Variants in MACROD2 observed in about 807,000 individuals in gnomAD.
MACROD2 encodes the protein mono-ADP ribosylhydrolase 2.
A neutral mutation model predicts 70.4 loss-of-function variants in MACROD2; 36 were observed. That is an observed-to-expected ratio of 0.51 (90% confidence interval 0.39 to 0.68). MACROD2 has a LOEUF of 0.68. Ranked by LOEUF, MACROD2 falls within the 30% of genes least tolerant of loss-of-function variation. MACROD2 has a pLI of 0.00. For synonymous variants in MACROD2, 172 were observed against 178.8 expected (o/e 0.96, Z 0.30); for missense variants, 496 against 538.4 (o/e 0.92, Z 0.78).
chr20:14,373,908 G>T (rs1265557924), intron 3 of MACROD2, among the ~76,000 whole-genome samples: 1 of 152,136 alleles, frequency 6.6e-6, no homozygotes, highest in East Asian at 1.9e-4. Context: ...GCATGTGTAT[G>T]TAGGCAGTTT....
intron 4 of MACROD2, among the ~76,000 whole-genome samples, chr20:14,669,268 G>A (rs1408322054): frequency 5.3e-5 from 8 of 152,146 alleles, no homozygotes; most frequent in Admixed American, 2.6e-4. Flanking sequence ...GGAAAGCAGA[G>A]TGAATGGCAA....
intron 5 of MACROD2, among the ~76,000 whole-genome samples, chr20:14,695,389 C>T (rs1033759212): frequency 2.0e-5 from 3 of 152,166 alleles, no homozygotes; most frequent in Admixed American, 6.5e-5. Context: ...AGCACTCACT[C>T]GAATCCGGGA....
intron 3 of MACROD2, among the ~76,000 whole-genome samples, chr20:14,097,858 A>T (rs1160240905): frequency 6.6e-6 from 1 of 152,198 alleles, no homozygotes; most frequent in Non-Finnish European, 1.5e-5. Context: ...ATATTTTAGA[A>T]TACTTTTGTG....
At chr20:14,382,281 C>T (rs573330643) in intron 3 of MACROD2, among the ~76,000 whole-genome samples, 2 of 151,790 alleles carry the variant, frequency 1.3e-5, no homozygotes, top group Non-Finnish European at 2.9e-5. Context: ...AGGATGGTCT[C>T]GAGCTCCTGA....
chr20:14,821,035 T>C (rs1320241929), intron 5 of MACROD2, among the ~76,000 whole-genome samples: 1 of 152,102 alleles, frequency 6.6e-6, no homozygotes, highest in Non-Finnish European at 1.5e-5. Context: ...CAGTTCAGCT[T>C]ACTACCTGCT....
intron 3 of MACROD2, among the ~76,000 whole-genome samples, chr20:14,088,986 A>G (rs928124852): frequency 6.6e-6 from 1 of 152,174 alleles, no homozygotes; most frequent in African/African-American, 2.4e-5. Context: ...TAACTACCTC[A>G]TCACTATTTT....
chr20:15,249,741 G>A (rs2077138302), intron 6 of MACROD2, among the ~76,000 whole-genome samples: 1 of 152,202 alleles, frequency 6.6e-6, no homozygotes, highest in African/African-American at 2.4e-5. Flanking sequence ...TTGAGTTCAT[G>A]ACTATTGCTG....
intron 5 of MACROD2, among the ~76,000 whole-genome samples, chr20:14,982,615 AG>A (rs2122843210): frequency 6.6e-6 from 1 of 152,334 alleles, no homozygotes; most frequent in African/African-American, 2.4e-5. Flanking sequence ...ATGGCCTCAG[AG>A]GGTGCAAACC....
intron 15 of MACROD2, among the ~76,000 whole-genome samples, chr20:15,995,358 A>AT (rs869089170): frequency 1.4e-5 from 2 of 144,116 alleles, no homozygotes; most frequent in Non-Finnish European, 3.0e-5. Context: ...TATTATTATT[A>AT]TTTTTTTTGG....
intron 4 of MACROD2, among the ~76,000 whole-genome samples, chr20:14,564,425 A>G (rs1979640804): frequency 6.6e-6 from 1 of 152,054 alleles, no homozygotes; most frequent in Admixed American, 6.6e-5. Flanking sequence ...ATAGAATGGG[A>G]GAAAATATTT....
chr20:14,263,057 T>C (rs1053240769), intron 3 of MACROD2, among the ~76,000 whole-genome samples: 4 of 151,982 alleles, frequency 2.6e-5, no homozygotes, highest in Non-Finnish European at 5.9e-5. Context: ...AGAAAGTGAA[T>C]TATCAGTGAA....
chr20:14,326,906 G>C lies in MACROD2; in HGVS notation c.272-166573G>C, dbSNP rs746035260. ...TTTCCATCTAGAACCAGGCGTTTTAGACTAGTGAGACCTTGAAGAGATGGT... is the reference window on the plus strand; with the variant it reads ...TTTCCATCTAGAACCAGGCGTTTTACACTAGTGAGACCTTGAAGAGATGGT... On this transcript the variant is annotated intron_variant, in intron 3 of 17. Coordinates refer to ENST00000684519, the MANE Select transcript of MACROD2 (RefSeq NM_001351661.2). The surrounding 1 kb of genome is among the most constrained non-coding windows in gnomAD (Gnocchi z 5.5). 2 of 1,613,780 alleles carry C rather than the reference G, an allele frequency of 1.2e-6. No individual in the cohort carries two copies. The highest frequency in any genetic ancestry group is 1.7e-6 in the Non-Finnish European group (2 of 1,179,808).
chr20:15,974,518 G>T (rs1331608946), intron 13 of MACROD2, among the ~76,000 whole-genome samples: 2 of 152,142 alleles, frequency 1.3e-5, no homozygotes, highest in African/African-American at 2.4e-5. Flanking sequence ...AGTTGTGGGG[G>T]TGGGGAGGGA....
chr20:15,801,143 C>T (rs1490718817), intron 8 of MACROD2, among the ~76,000 whole-genome samples: 1 of 147,108 alleles, frequency 6.8e-6, no homozygotes. Flanking sequence ...TCCTGTGACC[C>T]TGCCAAATCC....
At chr20:15,293,843 C>A (rs35777165) in intron 6 of MACROD2, among the ~76,000 whole-genome samples, 1 of 152,006 alleles carries the variant, frequency 6.6e-6, no homozygotes, top group Non-Finnish European at 1.5e-5. Context: ...TTTGGCCAGG[C>A]GCAGTGGCTC....
intron 3 of MACROD2, among the ~76,000 whole-genome samples, chr20:14,217,149 T>G (rs189698263): frequency 2.0e-5 from 3 of 152,200 alleles, no homozygotes; most frequent in Admixed American, 2.0e-4. Context: ...GGGTTTGTCA[T>G]AGATGGCTTT....
At chr20:15,320,094 A>G (rs1357532338) in intron 6 of MACROD2, among the ~76,000 whole-genome samples, 1 of 151,994 alleles carries the variant, frequency 6.6e-6, no homozygotes, top group Admixed American at 6.6e-5. Flanking sequence ...ATCCCAGCTA[A>G]TCAGGAAGCT....
At chr20:14,218,617 G>C (rs1271745366) in intron 3 of MACROD2, among the ~76,000 whole-genome samples, 1 of 152,038 alleles carries the variant, frequency 6.6e-6, no homozygotes, top group Non-Finnish European at 1.5e-5. Flanking sequence ...TTGTATTTTT[G>C]TTTTATAGGT....
chr20:14,199,671 G>A (rs3940133), intron 3 of MACROD2, among the ~76,000 whole-genome samples: 146,421 of 152,242 alleles, frequency 0.96, 70,452 homozygotes, highest in Middle Eastern at 0.99. Context: ...GTAGTATTCT[G>A]TTATAAGCCA....
Sources: allele counts gnomAD v4.1 joint callset (sites outside exome capture counted in the v4.1 genomes callset), GRCh38; gene constraint gnomAD v4.1.1; non-coding constraint Gnocchi (gnomAD v3.1); transcripts MANE v1.5; gene names NCBI Gene and HGNC (gene_info 2026-07-23, HGNC 2026-07-21).